The following RAMAC variants were observed in gnomAD, a reference collection of about 807,000 sequenced individuals.
The protein encoded by RAMAC is RNA guanine-7 methyltransferase activating subunit, also known as RNA guanine-N7 methyltransferase activating subunit.
Under a neutral mutation model 17.9 loss-of-function variants are expected in RAMAC, and 11 were observed. That is an observed-to-expected ratio of 0.61 (90% CI 0.39 to 1.02). The LOEUF (loss-of-function observed/expected upper bound fraction) is 1.02. Among genes scored for constraint, RAMAC ranks in the 50% least tolerant of loss-of-function variants. The pLI, the probability that RAMAC is intolerant of heterozygous loss-of-function variation, is 0.01. For synonymous variants in RAMAC, 27 were observed against 48.4 expected, an observed-to-expected ratio of 0.56 and a Z score of 1.84; for missense variants, 109 against 144.0, an observed-to-expected ratio of 0.76 and a Z score of 1.25.
chr15:82,988,035 C>CAA (rs1293418063), intron 2 of RAMAC, among the ~76,000 whole-genome samples: 3,617 of 54,926 alleles, frequency 0.066, 156 homozygotes, highest in African/African-American at 0.17. Flanking sequence ...AACTCCGTCT[C>CAA]AAAAAAAAAA....
At position 82,990,214 on chromosome 15, in the gene RAMAC, C is replaced by T. The variant is rs1796523059; in HGVS notation, c.*147C>T. The T allele has an allele frequency of 2.9e-6, 1 of 345,688 alleles. No individual in the cohort carries two copies. The highest frequency in any genetic ancestry group is 4.7e-6 in the Non-Finnish European group (1 of 213,960). 21.4% of individuals were successfully genotyped at this position (345,688 alleles called of 1,614,324 possible). On this transcript the variant is annotated 3_prime_UTR_variant, in exon 4 of 4. Transcript: ENST00000304191. ...AGTTGAGACTTTAAAAAAAATAGAT[C>T]TTACTTGCGAAATGCGATGGTTGCT...
At chr15:82,988,846 A>T in intron 2 of RAMAC, 164 bp from the exon 3 acceptor site, 1 of 678,278 alleles carries the variant, frequency 1.5e-6, no homozygotes, top group Non-Finnish European at 2.4e-6. Context: ...AAAAAAAAAA[A>T]AAAAATGTTG....
At position 82,989,164 on chromosome 15, in the gene RAMAC, G is replaced by A; in HGVS notation, c.146G>A (p.Gly49Glu). 6.2e-7 allele frequency: 1 copy of A among 1,612,636 alleles called. No individual in the cohort carries two copies. Among genetic ancestry groups the A allele is most frequent in the Non-Finnish European group, 8.5e-7 (1 of 1,179,512 alleles). ...GAGGAATGGAATAGCAGAGCTGGTG[G>A]GAACCAAAGAAACAGAGGCAATCGG... Reference protein sequence around the residue: ...IVEEWNSRAGGNQRNRGNRLQ... With the variant: ...IVEEWNSRAGENQRNRGNRLQ... Residue 49 changes from glycine (G) to glutamate (E), a missense_variant, in exon 3 of 4, where the codon GGG (glycine) becomes GAG (glutamate). Coordinates refer to ENST00000304191, the MANE Select transcript of RAMAC (RefSeq NM_031452.4).
Position 82,990,438 on chromosome 15 carries a change from C to G in RAMAC, c.*371C>G, listed in dbSNP as rs1044092730. On this transcript the variant is annotated 3_prime_UTR_variant, in exon 4 of 4. Coordinates refer to ENST00000304191, the MANE Select transcript of RAMAC (RefSeq NM_031452.4). ...GAGTATCCATATGCTTAGATGTGCT[C>G]GTTTCTAAAATTCTAGAGGTTGATA... is the stretch of plus-strand genomic sequence containing the variant. The G allele has an allele frequency of 2.0e-6, 1 of 500,196 alleles. No individual in the cohort carries two copies. The highest frequency in any genetic ancestry group is 3.4e-6 in the Non-Finnish European group (1 of 291,058). The allele number at this position is 500,196 out of a possible 1,614,324, so 31.0% of individuals were successfully genotyped here.
At position 82,990,323 on chromosome 15, in the gene RAMAC, T is replaced by C; in HGVS notation, c.*256T>C. On this transcript the variant is annotated 3_prime_UTR_variant, in exon 4 of 4. Transcript: ENST00000304191. ...TTCATGACTTAATAGTGCTTTAAGT[T>C]TGGTATATTATTTGACCTCTAGGAA... The C allele has an allele frequency of 8.1e-6, 2 of 246,864 alleles. No homozygotes were observed. Among genetic ancestry groups the C allele is most frequent in the Non-Finnish European group, 6.6e-6 (1 of 151,618 alleles). 15.3% of individuals were successfully genotyped at this position (246,864 alleles called of 1,614,324 possible).
At chr15:82,989,222 A>G in intron 3 of RAMAC, 34 bp downstream of exon 3, 4 of 1,605,218 alleles carry the variant, frequency 2.5e-6, no homozygotes, top group Non-Finnish European at 3.4e-6. Flanking sequence ...CAGATAGTTG[A>G]TCTGGCAGAG....
In RAMAC at chr15:82,990,074, T is replaced by C. The variant is rs750009440; in HGVS notation, c.*7T>C. 4 of 1,306,626 alleles carry C rather than the reference T, an allele frequency of 3.1e-6. No individual in the cohort carries two copies. The South Asian group carries it at 6.6e-5, about 22-fold the overall frequency. The allele number at this position is 1,306,626 out of a possible 1,614,324, so 80.9% of individuals were successfully genotyped here. ...TCCTTACGGTTACTACTGATAGAAA[T>C]GTTGGCAGCTTTTAGTAAAAGCATT... On this transcript the variant is annotated 3_prime_UTR_variant, in exon 4 of 4. Coordinates refer to ENST00000304191, the MANE Select transcript of RAMAC (RefSeq NM_031452.4).
intron 1 of RAMAC, among the ~76,000 whole-genome samples, 184 bp downstream of exon 1, chr15:82,986,553 A>G (rs1021130766): frequency 1.3e-5 from 2 of 152,222 alleles, no homozygotes; most frequent in African/African-American, 2.4e-5. Flanking sequence ...CAAATCTGCC[A>G]GAACCTTGGT....
chr15:82,989,592 C>T (rs568365942), intron 3 of RAMAC, among the ~76,000 whole-genome samples: 14 of 152,036 alleles, frequency 9.2e-5, no homozygotes, highest in Non-Finnish European at 2.1e-4. Context: ...AATAAATTAC[C>T]ATACCATTTT....
chr15:82,989,871 A>G lies in RAMAC; in HGVS notation c.171-10A>G. On this transcript the variant is annotated splice_polypyrimidine_tract_variant and intron_variant, in intron 3 of 3. Transcript: ENST00000304191. Reference sequence around the variant, plus strand: ...GAAGTTTAAAGATCTTTTTTGTTTTATTGTTGTAGGTTGCAAGACAACAGA... The same window carrying G: ...GAAGTTTAAAGATCTTTTTTGTTTTGTTGTTGTAGGTTGCAAGACAACAGA... 3 of 1,608,748 alleles carry G rather than the reference A, an allele frequency of 1.9e-6. No individual in the cohort carries two copies. Among genetic ancestry groups the G allele is most frequent in the Non-Finnish European group, 1.7e-6 (2 of 1,177,192 alleles).
In RAMAC at chr15:82,990,760, A is replaced by G; in HGVS notation, c.*693A>G. ...ACAAACACTAAAGCTTTTTGCTAAC[A>G]ACATAGCAGGTCAAAATTCACACAT... On this transcript the variant is annotated 3_prime_UTR_variant, in exon 4 of 4. Transcript: ENST00000304191. 1 of 929,314 alleles carries G rather than the reference A, an allele frequency of 1.1e-6. No individual in the cohort carries two copies. 57.6% of individuals were successfully genotyped at this position (929,314 alleles called of 1,614,324 possible). A position where few individuals can be genotyped will look rare whatever the true frequency, so the allele number is the denominator to read the frequency against.
At chr15:82,988,640 C>T (rs1475753043) in intron 2 of RAMAC, 1 of 421,008 alleles carries the variant, frequency 2.4e-6, no homozygotes, top group South Asian at 1.7e-5. Context: ...GACTTCCAGC[C>T]TAGGCAACAT....
chr15:82,988,608 C>A (rs761990333), intron 2 of RAMAC: 2 of 363,518 alleles, frequency 5.5e-6, no homozygotes, highest in Non-Finnish European at 1.1e-5. Flanking sequence ...GAAGCCAAGG[C>A]AGGAGGATCA....
intron 3 of RAMAC, among the ~76,000 whole-genome samples, chr15:82,989,571 A>C (rs2030770657): frequency 6.6e-6 from 1 of 152,232 alleles, no homozygotes; most frequent in African/African-American, 2.4e-5. Flanking sequence ...ATAATTCAAA[A>C]TAGTCAAAGG....
intron 3 of RAMAC, among the ~76,000 whole-genome samples, chr15:82,989,640 T>C (rs1417946479): frequency 6.6e-6 from 1 of 152,234 alleles, no homozygotes; most frequent in East Asian, 1.9e-4. Context: ...TTTGGAACTA[T>C]TCTATTGGTT....
chr15:82,988,329 TG>T, intron 2 of RAMAC: 1 of 162,970 alleles, frequency 6.1e-6, no homozygotes, highest in Non-Finnish European at 1.3e-5. Flanking sequence ...AGACTCCGTC[TG>T]GGGGAAAAGG....
chr15:82,990,610 C>G lies in RAMAC; in HGVS notation c.*543C>G. Reference sequence around the variant, plus strand: ...GTGATTCCTTAATCTATAGATGAGTCAGCTCCACACTTGAGTCTCTTTTTA... The same window carrying G: ...GTGATTCCTTAATCTATAGATGAGTGAGCTCCACACTTGAGTCTCTTTTTA... On this transcript the variant is annotated 3_prime_UTR_variant, in exon 4 of 4. Transcript: ENST00000304191. 6.8e-7 allele frequency: 1 copy of G among 1,464,868 alleles called. No individual in the cohort carries two copies. Among genetic ancestry groups the G allele is most frequent in the African/African-American group, 1.4e-5 (1 of 69,384 alleles). The allele number at this position is 1,464,868 out of a possible 1,614,324, so 90.7% of individuals were successfully genotyped here. A position where few individuals can be genotyped will look rare whatever the true frequency, so the allele number is the denominator to read the frequency against.
At position 82,987,917 on chromosome 15, in the gene RAMAC, C is replaced by T. The variant is rs181569610; in HGVS notation, c.-10+533C>T. 2.2e-3 allele frequency among the ~76,000 whole-genome samples: 329 copies of T among 151,880 alleles called. 2 individuals carry two copies. Among genetic ancestry groups the T allele is most frequent in the Non-Finnish European group, 3.6e-3 (248 of 67,976 alleles). ...TAGCGAGCGGGCGTGCACCTGTAATCCCAGCTATTCGGGAGGCAGAGACAG... is the reference window on the plus strand; with the variant it reads ...TAGCGAGCGGGCGTGCACCTGTAATTCCAGCTATTCGGGAGGCAGAGACAG... On this transcript the variant is annotated intron_variant, in intron 2 of 3. Transcript: ENST00000304191.
chr15:82,987,164 G>A (rs1472513991), intron 1 of RAMAC, among the ~76,000 whole-genome samples, 172 bp from the exon 2 acceptor site: 1 of 152,126 alleles, frequency 6.6e-6, no homozygotes, highest in Non-Finnish European at 1.5e-5. Flanking sequence ...TGATCTGCCC[G>A]CCTCGGCCTC....
Sources: gnomAD v4.1 joint callset for allele counts (sites outside exome capture counted in the v4.1 genomes callset) on GRCh38, gnomAD v4.1.1 for gene constraint, MANE v1.5 for transcripts, NCBI Gene and HGNC (gene_info 2026-07-23, HGNC 2026-07-21) for gene names.